The following KCNMA1 variants were observed in gnomAD, a reference collection of about 807,000 sequenced individuals.
KCNMA1 encodes Calcium-activated potassium channel subunit alpha-1.
KCNMA1 carries 29 observed loss-of-function variants against 140.0 expected under a neutral mutation model. That is an observed-to-expected ratio of 0.21 (90% CI 0.15 to 0.28). The LOEUF is 0.28. KCNMA1 is among the 10% of genes least tolerant of loss of function. KCNMA1 has a pLI of 1.00. For missense variants in KCNMA1, 880 were observed against 1,602.2 expected (o/e 0.55, Z 7.70); for synonymous variants, 612 against 611.9 (o/e 1.00, Z 0.00).
chr10:77,181,894 T>C (rs1482892482), intron 5 of KCNMA1, among the ~76,000 whole-genome samples: 1 of 152,174 alleles, frequency 6.6e-6, no homozygotes, highest in Non-Finnish European at 1.5e-5. Context: ...AAAAGAAATC[T>C]TTTTAGGATA....
intron 1 of KCNMA1, among the ~76,000 whole-genome samples, chr10:77,628,962 C>T (rs2092867533): frequency 6.6e-6 from 1 of 152,178 alleles, no homozygotes; most frequent in Admixed American, 6.5e-5. Flanking sequence ...CTAGAGGCCA[C>T]TGGATCTGAG....
chr10:77,617,666 C>T (rs1321798528), intron 1 of KCNMA1, among the ~76,000 whole-genome samples: 2 of 152,200 alleles, frequency 1.3e-5, no homozygotes, highest in African/African-American at 4.8e-5. Flanking sequence ...AGTGACATCA[C>T]ATAGCCATTG....
chr10:77,183,743 T>C (rs2098821904), intron 4 of KCNMA1, among the ~76,000 whole-genome samples: 1 of 152,140 alleles, frequency 6.6e-6, no homozygotes, highest in African/African-American at 2.4e-5. Context: ...CGCCTCAGCC[T>C]CCCAAAGTGC....
At chr10:77,386,184 T>C (rs1168296874) in intron 2 of KCNMA1, among the ~76,000 whole-genome samples, 1 of 152,214 alleles carries the variant, frequency 6.6e-6, no homozygotes, top group Non-Finnish European at 1.5e-5. Flanking sequence ...CTGGAAACAC[T>C]GGCTGAGCCT....
At chr10:77,010,050 G>A (rs1431791663) in intron 18 of KCNMA1, among the ~76,000 whole-genome samples, 3 of 152,116 alleles carry the variant, frequency 2.0e-5, no homozygotes, top group South Asian at 2.1e-4. Flanking sequence ...ATATGTGAAC[G>A]GCTAATCAAT....
chr10:77,062,378 T>C (rs1458049771), intron 14 of KCNMA1, among the ~76,000 whole-genome samples: 1 of 152,204 alleles, frequency 6.6e-6, no homozygotes, highest in African/African-American at 2.4e-5. Flanking sequence ...TCTTTCTTCA[T>C]CTTATTAGCA....
chr10:77,316,907 A>G (rs1185824426), intron 2 of KCNMA1, among the ~76,000 whole-genome samples: 2 of 152,160 alleles, frequency 1.3e-5, no homozygotes, highest in Admixed American at 1.3e-4. Context: ...GAGAAGCCAG[A>G]TATGCATTCT....
At chr10:77,026,272 G>C (rs1324338879) in intron 16 of KCNMA1, among the ~76,000 whole-genome samples, 6 of 152,148 alleles carry the variant, frequency 3.9e-5, no homozygotes, top group African/African-American at 1.4e-4. Flanking sequence ...GATTATTCCA[G>C]AATGGTCGAA....
chr10:77,429,447 C>T (rs549388522), intron 1 of KCNMA1, among the ~76,000 whole-genome samples: 3 of 152,300 alleles, frequency 2.0e-5, no homozygotes, highest in Admixed American at 1.3e-4. Flanking sequence ...CATGGCCAAA[C>T]GTCCCCTCGA....
intron 25 of KCNMA1, among the ~76,000 whole-genome samples, chr10:76,895,837 G>A (rs1034271727): frequency 2.0e-5 from 3 of 152,192 alleles, no homozygotes; most frequent in Non-Finnish European, 4.4e-5. Flanking sequence ...TGCCCCCTGA[G>A]CCGCAAAACC....
At chr10:77,559,348 T>C (rs1439801524) in intron 1 of KCNMA1, among the ~76,000 whole-genome samples, 1 of 152,238 alleles carries the variant, frequency 6.6e-6, no homozygotes, top group Non-Finnish European at 1.5e-5. Context: ...ATCCAGCGAC[T>C]GAAGGGTTGG....
chr10:77,546,033 C>A (rs2061397312), intron 1 of KCNMA1, among the ~76,000 whole-genome samples: 1 of 152,196 alleles, frequency 6.6e-6, no homozygotes, highest in Non-Finnish European at 1.5e-5. Context: ...TCACTTATTC[C>A]AGGCCCAGGC....
At chr10:77,480,576 T>C (rs536865194) in intron 1 of KCNMA1, among the ~76,000 whole-genome samples, 1 of 152,298 alleles carries the variant, frequency 6.6e-6, no homozygotes, top group South Asian at 2.1e-4. Context: ...TTATCTACAA[T>C]GATATCCTTT....
intron 1 of KCNMA1, among the ~76,000 whole-genome samples, chr10:77,559,871 C>T (rs983270639): frequency 6.6e-6 from 1 of 152,024 alleles, no homozygotes; most frequent in Non-Finnish European, 1.5e-5. Flanking sequence ...ATATTCAGCC[C>T]GATATGTTTA....
chr10:76,929,069 A>G (rs1384729750), intron 23 of KCNMA1, among the ~76,000 whole-genome samples: 5 of 152,136 alleles, frequency 3.3e-5, no homozygotes, highest in Non-Finnish European at 5.9e-5. Context: ...TTTTTTTTAA[A>G]AAAGTTTCAA....
At chr10:77,309,947 C>T (rs1190223722) in intron 2 of KCNMA1, among the ~76,000 whole-genome samples, 1 of 152,168 alleles carries the variant, frequency 6.6e-6, no homozygotes, top group Non-Finnish European at 1.5e-5. Flanking sequence ...CAGAAACAAC[C>T]TCTCCTCTTC....
intron 3 of KCNMA1, among the ~76,000 whole-genome samples, chr10:77,206,332 T>G (rs938833534): frequency 6.6e-6 from 1 of 152,180 alleles, no homozygotes; most frequent in Non-Finnish European, 1.5e-5. Flanking sequence ...TGACGTTGGA[T>G]TCATTGTTTT....
chr10:77,495,985 A>G (rs1037833052), intron 1 of KCNMA1, among the ~76,000 whole-genome samples: 7 of 152,192 alleles, frequency 4.6e-5, no homozygotes, highest in Admixed American at 3.9e-4. Context: ...CCCCTCTGCC[A>G]AAGGTTCTGG....
At chr10:77,632,531 C>T (rs1449858016) in intron 1 of KCNMA1, among the ~76,000 whole-genome samples, 3 of 152,208 alleles carry the variant, frequency 2.0e-5, no homozygotes, top group African/African-American at 4.8e-5. Context: ...TGTAACCATC[C>T]TGCCAGGACC....
Sources: gnomAD v4.1 joint callset for allele counts (sites outside exome capture counted in the v4.1 genomes callset) on GRCh38, gnomAD v4.1.1 for gene constraint, MANE v1.5 for transcripts, NCBI Gene and HGNC (gene_info 2026-07-23, HGNC 2026-07-21) for gene names.